The following ME3 variants were observed in gnomAD, a reference collection of about 807,000 sequenced individuals.
ME3 encodes the protein NADP-dependent malic enzyme, mitochondrial.
In ME3, 48 loss-of-function variants were observed where a neutral mutation model predicts 68.9. That is an observed-to-expected ratio of 0.70 (90% CI 0.55 to 0.89). The LOEUF is 0.89. Ranked by LOEUF, ME3 falls within the 40% of genes least tolerant of loss-of-function variation. ME3 has a pLI of 0.00. For missense variants in ME3, 675 were observed against 797.4 expected, an observed-to-expected ratio of 0.85 and a Z score of 1.85; for synonymous variants, 320 against 318.8, an observed-to-expected ratio of 1.00 and a Z score of -0.04.
intron 14 of ME3, 35 bp downstream of exon 14, chr11:86,442,786 C>T (rs1371681825): frequency 7.9e-6 from 12 of 1,522,036 alleles, no homozygotes; most frequent in Non-Finnish European, 1.0e-5. Flanking sequence ...GGTTGAGCCT[C>T]ACTACCCATA....
chr11:86,534,077 GTGTGTA>G (rs1266154042), intron 4 of ME3, among the ~76,000 whole-genome samples: 4 of 12,046 alleles, frequency 3.3e-4, no homozygotes, highest in African/African-American at 1.6e-3. Flanking sequence ...GTGTGTGTGT[GTGTGTA>G]TATATATATA....
At chr11:86,617,795 T>C (rs535157794) in intron 2 of ME3, among the ~76,000 whole-genome samples, 1 of 152,128 alleles carries the variant, frequency 6.6e-6, no homozygotes, top group East Asian at 1.9e-4. Context: ...GGCTCTTTCA[T>C]ATATAAAATT....
intron 8 of ME3, among the ~76,000 whole-genome samples, chr11:86,463,762 A>G (rs1950342110): frequency 6.6e-6 from 1 of 152,212 alleles, no homozygotes; most frequent in South Asian, 2.1e-4. Flanking sequence ...TATACCCTGT[A>G]ATATGGACCA....
chr11:86,535,396 C>G (rs1955584248), intron 4 of ME3, among the ~76,000 whole-genome samples: 1 of 152,168 alleles, frequency 6.6e-6, no homozygotes, highest in South Asian at 2.1e-4. Flanking sequence ...TCTATGGAAC[C>G]TCATTTGTGA....
chr11:86,449,231 A>C (rs557018885), intron 10 of ME3, among the ~76,000 whole-genome samples: 1 of 152,372 alleles, frequency 6.6e-6, no homozygotes, highest in African/African-American at 2.4e-5. Flanking sequence ...CACTGAGTGT[A>C]GCTCTAATGG....
chr11:86,530,668 A>G (rs1955144204), intron 4 of ME3, among the ~76,000 whole-genome samples: 1 of 152,248 alleles, frequency 6.6e-6, no homozygotes, highest in Non-Finnish European at 1.5e-5. Flanking sequence ...CCAATGGAAC[A>G]GAACAGAGCC....
intron 4 of ME3, among the ~76,000 whole-genome samples, chr11:86,511,398 T>C (rs575494389): frequency 2.0e-5 from 3 of 152,338 alleles, no homozygotes; most frequent in South Asian, 4.1e-4. Flanking sequence ...TTATGTGCCA[T>C]GTTCTTCCTA....
At chr11:86,600,006 A>G (rs1469967957) in intron 2 of ME3, among the ~76,000 whole-genome samples, 1 of 152,168 alleles carries the variant, frequency 6.6e-6, no homozygotes, top group African/African-American at 2.4e-5. Flanking sequence ...GCCAAAATGT[A>G]AAGACTATCA....
intron 4 of ME3, among the ~76,000 whole-genome samples, chr11:86,520,454 C>CA (rs1033409518): frequency 6.6e-6 from 1 of 151,912 alleles, no homozygotes. Flanking sequence ...AACAAACAAA[C>CA]AAAAAACCCC....
At chr11:86,575,002 A>T (rs1958020796) in intron 2 of ME3, among the ~76,000 whole-genome samples, 1 of 148,158 alleles carries the variant, frequency 6.7e-6, no homozygotes, top group Admixed American at 6.6e-5. Flanking sequence ...CAGCCTGGGC[A>T]GGGGCCAACT....
intron 10 of ME3, among the ~76,000 whole-genome samples, chr11:86,448,512 AT>A (rs1293048407): frequency 6.6e-6 from 1 of 152,136 alleles, no homozygotes; most frequent in Non-Finnish European, 1.5e-5. Context: ...TAAAGAATTT[AT>A]TTGAGCTGTT....
exon 11 of ME3, chr11:86,448,178 C>T (rs752374512): frequency 1.2e-6 from 2 of 1,614,076 alleles, no homozygotes; most frequent in Admixed American, 1.7e-5. Flanking sequence ...TCACCAGCCT[C>T]ACCACCTCCT....
chr11:86,598,338 C>T (rs565394439), intron 2 of ME3, among the ~76,000 whole-genome samples: 7 of 152,210 alleles, frequency 4.6e-5, no homozygotes, highest in South Asian at 2.1e-4. Flanking sequence ...CACGGAGTCT[C>T]GCTCATTGCT....
chr11:86,453,589 T>G (rs978791216), intron 8 of ME3, among the ~76,000 whole-genome samples: 2 of 152,246 alleles, frequency 1.3e-5, no homozygotes, highest in African/African-American at 4.8e-5. Context: ...TAGGACACTT[T>G]GTAAAATTTG....
At position 86,649,733 on chromosome 11, in the gene ME3, C is replaced by T. The variant is rs537810564; in HGVS notation, c.183+22029G>A. 5.3e-5 allele frequency among the ~76,000 whole-genome samples: 8 copies of T among 152,194 alleles called. No homozygotes were observed. The South Asian group carries it at 1.7e-3, about 32-fold the overall frequency. ...CAATTCCTATGAAGGGAATAAAATA[C>T]CTAGGAATACAACTTACAAGGATGT... On this transcript the variant is annotated intron_variant, in intron 2 of 14. Coordinates refer to ENST00000543262, the Ensembl canonical transcript of ME3.
intron 5 of ME3, among the ~76,000 whole-genome samples, chr11:86,507,996 G>A (rs1438784542): frequency 1.3e-5 from 2 of 151,302 alleles, no homozygotes; most frequent in Non-Finnish European, 2.9e-5. Context: ...AAAAAATATG[G>A]CAACTTTTGC....
intron 8 of ME3, among the ~76,000 whole-genome samples, chr11:86,456,160 C>A (rs2125363): frequency 6.6e-6 from 1 of 152,050 alleles, no homozygotes; most frequent in Non-Finnish European, 1.5e-5. Context: ...ACTAGATGGC[C>A]TCTCTAGGTG....
chr11:86,476,546 G>A (rs1951091277), intron 7 of ME3, among the ~76,000 whole-genome samples: 1 of 152,202 alleles, frequency 6.6e-6, no homozygotes. Context: ...TTGGTTACTT[G>A]AGGGGGTGAC....
chr11:86,513,373 A>G (rs908773267), intron 4 of ME3, among the ~76,000 whole-genome samples: 1 of 152,198 alleles, frequency 6.6e-6, no homozygotes, highest in African/African-American at 2.4e-5. Context: ...AACTGCGGCT[A>G]GCTACAAAGG....
Sources: gnomAD v4.1 joint callset for allele counts (sites outside exome capture counted in the v4.1 genomes callset) on GRCh38, gnomAD v4.1.1 for gene constraint, MANE v1.5 for transcripts, NCBI Gene and HGNC (gene_info 2026-07-23, HGNC 2026-07-21) for gene names.